Variants in MLXIPL observed in about 807,000 individuals in gnomAD.
The protein encoded by MLXIPL is MLX interacting protein like, also known as carbohydrate-responsive element-binding protein.
MLXIPL carries 49 observed loss-of-function variants against 81.5 expected under a neutral mutation model. The observed-to-expected ratio is 0.60, with a 90% confidence interval of 0.48 to 0.76. The LOEUF is 0.76. MLXIPL is among the 30% of genes least tolerant of loss of function. The probability of loss-of-function intolerance (pLI) is 0.00; values close to 1 mark genes in which losing one functional copy is unlikely to be tolerated. For synonymous variants in MLXIPL, 466 were observed against 485.5 expected (o/e 0.96, Z 0.53); for missense variants, 1,053 against 1,167.0 (o/e 0.90, Z 1.42).
Position 73,624,152 on chromosome 7 carries a change from C to G in MLXIPL, c.293+48G>C, listed in dbSNP as rs563684070. ...GCAGTCCTGCCCCGGACCCCCCCCCCATCCCCACCTGGAAGCCAAGGCCGT... is the reference window on the plus strand; with the variant it reads ...GCAGTCCTGCCCCGGACCCCCCCCCGATCCCCACCTGGAAGCCAAGGCCGT... On this transcript the variant is annotated intron_variant, in intron 1 of 16. Transcript: ENST00000313375. The G allele has an allele frequency of 1.6e-5, 23 of 1,468,080 alleles. No homozygotes were observed. In the East Asian group the frequency reaches 2.3e-4, roughly 15 times the overall value. The allele number at this position is 1,468,080 out of a possible 1,614,324, so 90.9% of individuals were successfully genotyped here.
intron 8 of MLXIPL, 83 bp downstream of exon 8, chr7:73,599,443 G>A (rs562555338): frequency 1.2e-5 from 18 of 1,539,374 alleles, no homozygotes; most frequent in East Asian, 9.0e-5. Flanking sequence ...CTCAGGGAGT[G>A]TCTGATACCT....
intron 5 of MLXIPL, 139 bp downstream of exon 5, chr7:73,606,833 CAG>C: frequency 2.1e-6 from 2 of 931,944 alleles, no homozygotes; most frequent in Non-Finnish European, 3.4e-6. Flanking sequence ...AAATGAACCA[CAG>C]GATGGCAGTA....
At chr7:73,640,420 AAG>A in the MLXIPL span, among the ~76,000 whole-genome samples, 2 of 150,526 alleles carry the variant, frequency 1.3e-5, no homozygotes, top group South Asian at 2.1e-4. Flanking sequence ...AAAAAAGAAA[AAG>A]AAAAAAAGAA....
chr7:73,613,631 T>C (rs1795833802), intron 2 of MLXIPL, among the ~76,000 whole-genome samples: 1 of 152,084 alleles, frequency 6.6e-6, no homozygotes, highest in African/African-American at 2.4e-5. Context: ...AAATAGGACC[T>C]GTCATTCCCA....
chr7:73,613,538 C>T (rs1795827535), intron 2 of MLXIPL, among the ~76,000 whole-genome samples: 1 of 152,056 alleles, frequency 6.6e-6, no homozygotes, highest in Admixed American at 6.6e-5. Context: ...GTGAAGGTTG[C>T]AGTGAGCCGA....
At position 73,606,049 on chromosome 7, in the gene MLXIPL, G is replaced by A. The variant is rs1052534981; in HGVS notation, c.681C>T (p.Pro227=). The A allele has an allele frequency of 1.0e-5, 16 of 1,591,178 alleles. No individual in the cohort carries two copies. Among genetic ancestry groups the A allele is most frequent in the Admixed American group, 7.1e-5 (4 of 56,170 alleles). Residue 227 remains proline, a synonymous_variant, in exon 6 of 17, where the codon CCC becomes CCT. Transcript: ENST00000313375. ...CCTCCTCTGGGTCCCCCAGCAGCACGGGGACCACACTGGAGAAGAGCTGTT... is the reference window on the plus strand; with the variant it reads ...CCTCCTCTGGGTCCCCCAGCAGCACAGGGACCACACTGGAGAAGAGCTGTT... ...WCKQLFSSVV[P]VLLGDPEEEP...
At chr7:73,599,738 C>A in intron 7 of MLXIPL, 43 bp from the exon 8 acceptor site, 1 of 1,568,844 alleles carries the variant, frequency 6.4e-7, no homozygotes, top group Non-Finnish European at 8.7e-7. Flanking sequence ...AGGGCCAGGG[C>A]TATGGCTGGG....
rs1554594269 is a variant in MLXIPL, at chr7:73,596,835, A to G, written c.1671+30T>C. On this transcript the variant is annotated intron_variant, in intron 10 of 16. Transcript: ENST00000313375. This position sits in a 1 kb window ranked among gnomAD's most constrained non-coding sequence, Gnocchi z 4.7. ...GAGTCGGGTTGAAGGCCGTGGGCAC[A>G]GCCCCACCGCCCAGTGCCCGAGATC... 4 of 1,608,962 alleles carry G rather than the reference A, an allele frequency of 2.5e-6. No individual in the cohort carries two copies. Among genetic ancestry groups the G allele is most frequent in the Non-Finnish European group, 3.4e-6 (4 of 1,178,512 alleles).
Position 73,605,700 on chromosome 7 carries a change from T to C in MLXIPL, c.889A>G (p.Met297Val). The C allele has an allele frequency of 6.2e-7, 1 of 1,613,544 alleles. No individual in the cohort carries two copies. Among genetic ancestry groups the C allele is most frequent in the Non-Finnish European group, 8.5e-7 (1 of 1,179,886 alleles). ...GGGCTCGCCCCACCTGAGATGTCCA[T>C]GAAGTCATCCAGGCTTGGCTGCAGT... ...TPLQPSLDDF[M>V]DISDFFTNSR... The change falls in exon 7 of 17, where the codon ATG becomes GTG. Residue 297 changes from methionine to valine, a missense_variant. This residue lies in a region of MLXIPL where 823 missense variants were observed against 933.0 expected (regional missense o/e 0.88). Transcript: ENST00000313375.
chr7:73,608,889 C>T (rs1795502092), intron 2 of MLXIPL, among the ~76,000 whole-genome samples: 1 of 152,082 alleles, frequency 6.6e-6, no homozygotes, highest in African/African-American at 2.4e-5. Flanking sequence ...TGCAGTGGCG[C>T]AATCATAGCT....
upstream of MLXIPL, among the ~76,000 whole-genome samples, chr7:73,628,190 C>A (rs543620883): frequency 2.0e-5 from 3 of 151,964 alleles, no homozygotes; most frequent in Non-Finnish European, 4.4e-5. Context: ...GTCTCCAGAT[C>A]ACCCCACCGT....
upstream of MLXIPL, chr7:73,624,561 G>A (rs1796607366): frequency 8.9e-6 from 13 of 1,457,174 alleles, no homozygotes; most frequent in South Asian, 1.2e-4. Flanking sequence ...GGCCAGCCGG[G>A]CCTCATTAAC....
At chr7:73,606,528 C>T (rs2695431) in intron 5 of MLXIPL, 4,174 of 309,490 alleles carry the variant, frequency 0.013, 216 homozygotes, top group African/African-American at 0.085. Context: ...CAGGTTCAAG[C>T]GATTCTCCTG....
Position 73,597,192 on chromosome 7 carries a change from C to G in MLXIPL, c.1593G>C (p.Leu531=), listed in dbSNP as rs782419145. ...GTTGCTGGCCCTCACCTGCTGTGAG[C>G]AGCTGTGTGAGGCAGGGGTTGTTGC... The part of the protein sequence containing the change: ...AGSNNPCLTQ[L]LTAAKPEQAL... Residue 531 remains leucine (L), a synonymous_variant, in exon 9 of 17, where the codon CTG becomes CTC. Coordinates refer to ENST00000313375, the MANE Select transcript of MLXIPL (RefSeq NM_032951.3). The G allele has an allele frequency of 6.2e-7, 1 of 1,604,244 alleles. No individual in the cohort carries two copies.
chr7:73,641,844 C>G, the MLXIPL span, among the ~76,000 whole-genome samples: 1 of 152,112 alleles, frequency 6.6e-6, no homozygotes, highest in African/African-American at 2.4e-5. Context: ...CCATGTTAGC[C>G]AGGCTGGTCT....
chr7:73,602,613 G>A (rs1281655852), intron 7 of MLXIPL, among the ~76,000 whole-genome samples: 1 of 152,032 alleles, frequency 6.6e-6, no homozygotes, highest in African/African-American at 2.4e-5. Flanking sequence ...CCGGGAGGTG[G>A]GGGTTGCAGT....
chr7:73,606,387 T>G, intron 5 of MLXIPL: 1 of 519,146 alleles, frequency 1.9e-6, no homozygotes, highest in Non-Finnish European at 3.4e-6. Context: ...AGTTCTTTGG[T>G]CCCTCTGGTT....
At position 73,615,186 on chromosome 7, in the gene MLXIPL, G is replaced by A. The variant is rs181826581; in HGVS notation, c.400+885C>T. On this transcript the variant is annotated intron_variant, in intron 2 of 16. Coordinates refer to ENST00000313375, the MANE Select transcript of MLXIPL (RefSeq NM_032951.3). ...CACACAGCCAGCAAGGGGCAGAGAC[G>A]GGGTGGAGGAACTAGCTCTGGGCAA... 3.7e-3 allele frequency among the ~76,000 whole-genome samples: 569 copies of A among 152,242 alleles called. 2 individuals carry two copies. Among genetic ancestry groups the A allele is most frequent in the Non-Finnish European group, 5.8e-3 (396 of 68,016 alleles).
At chr7:73,612,283 T>C (rs1795735215) in intron 2 of MLXIPL, among the ~76,000 whole-genome samples, 1 of 151,344 alleles carries the variant, frequency 6.6e-6, no homozygotes, top group Non-Finnish European at 1.5e-5. Context: ...GTGAGCTATG[T>C]TGGCTCCACT....
Sources: allele counts gnomAD v4.1 joint callset (sites outside exome capture counted in the v4.1 genomes callset), GRCh38; gene constraint gnomAD v4.1.1; regional missense constraint gnomAD v4.1.1; non-coding constraint Gnocchi (gnomAD v3.1); transcripts MANE v1.5; gene names NCBI Gene and HGNC (gene_info 2026-07-23, HGNC 2026-07-21).